RTN3: variants seen among roughly 807,000 people sequenced by gnomAD.
RTN3 encodes the protein reticulon 3.
In RTN3, 49 loss-of-function variants were observed where a neutral mutation model predicts 77.8. The observed-to-expected ratio is 0.63, with a 90% CI of 0.50 to 0.80. The LOEUF (loss-of-function observed/expected upper bound fraction) is 0.80, where lower values mean the gene tolerates loss of function less well. Among genes scored for constraint, RTN3 ranks in the 30% least tolerant of loss-of-function variants. The pLI, the probability that RTN3 is intolerant of heterozygous loss-of-function variation, is 0.00. For synonymous variants in RTN3, 464 were observed against 446.9 expected, an observed-to-expected ratio of 1.04 and a Z score of -0.48; for missense variants, 1,236 against 1,211.9, an observed-to-expected ratio of 1.02 and a Z score of -0.29.
intron 1 of RTN3, among the ~76,000 whole-genome samples, chr11:63,699,558 T>C (rs1942134652): frequency 6.6e-6 from 1 of 152,182 alleles, no homozygotes; most frequent in Non-Finnish European, 1.5e-5. Context: ...CTAAAACACG[T>C]GATATTGTCA....
chr11:63,691,280 C>G (rs1410301376), intron 1 of RTN3, among the ~76,000 whole-genome samples: 1 of 151,962 alleles, frequency 6.6e-6, no homozygotes, highest in South Asian at 2.1e-4. Context: ...GCCACCATGC[C>G]CAGCTAATTT....
chr11:63,721,149 A>C, intron 3 of RTN3, 117 bp downstream of exon 3: 1 of 867,100 alleles, frequency 1.2e-6, no homozygotes, highest in Non-Finnish European at 1.7e-6. Flanking sequence ...ATACAAAAAC[A>C]ATATGCTGTA....
intron 1 of RTN3, 31 bp downstream of exon 1, chr11:63,681,809 A>G (rs548242852): frequency 1.3e-6 from 2 of 1,512,970 alleles, no homozygotes; most frequent in South Asian, 2.4e-5. Flanking sequence ...CCGCCCTGGG[A>G]AAGAGGGCGA....
intron 1 of RTN3, among the ~76,000 whole-genome samples, chr11:63,683,221 A>G (rs1941161166): frequency 6.6e-6 from 1 of 152,212 alleles, no homozygotes; most frequent in South Asian, 2.1e-4. Flanking sequence ...TGAGGCAGCA[A>G]ATTTAGAACC....
intron 1 of RTN3, among the ~76,000 whole-genome samples, chr11:63,693,369 G>A (rs936114799): frequency 6.6e-6 from 1 of 152,078 alleles, no homozygotes; most frequent in Non-Finnish European, 1.5e-5. Flanking sequence ...TGTAATCCCA[G>A]CTACTTGGGA....
At chr11:63,747,998 G>C (rs1226257695) in intron 3 of RTN3, among the ~76,000 whole-genome samples, 1 of 151,940 alleles carries the variant, frequency 6.6e-6, no homozygotes, top group Non-Finnish European at 1.5e-5. Context: ...GGTGAAATTA[G>C]CCTTCATAGA....
Position 63,750,202 on chromosome 11 carries a change from A to G in RTN3, c.2738+4A>G, listed in dbSNP as rs2014027116. ...CAGAAGAAGGCCATCCATTCAAGTG[A>G]GTTGAAGTCTTAAAAGCAACATTCT... On this transcript the variant is annotated splice_donor_region_variant and intron_variant, in intron 4 of 8. Transcript: ENST00000377819. The G allele has an allele frequency of 1.9e-6, 3 of 1,608,844 alleles. No individual in the cohort carries two copies. In the East Asian group the frequency reaches 6.7e-5, roughly 36 times the overall value.
intron 2 of RTN3, among the ~76,000 whole-genome samples, chr11:63,706,164 G>A (rs1478663145): frequency 6.6e-6 from 1 of 151,872 alleles, no homozygotes; most frequent in African/African-American, 2.4e-5. Context: ...AACATGGTAG[G>A]GAATTTTTTT....
chr11:63,756,214 TC>T, intron 8 of RTN3, 44 bp downstream of exon 8: 1 of 1,324,804 alleles, frequency 7.5e-7, no homozygotes, highest in Non-Finnish European at 1.1e-6. Flanking sequence ...TATGCTTCCT[TC>T]CCCCCAATTA....
At chr11:63,754,925 C>CA (rs373589429) in intron 7 of RTN3, among the ~76,000 whole-genome samples, 4,209 of 96,920 alleles carry the variant, frequency 0.043, 439 homozygotes, top group African/African-American at 0.16. Context: ...GACTCTGTCT[C>CA]AAAAAAAAAA....
At chr11:63,734,619 C>G (rs1253393216) in intron 3 of RTN3, among the ~76,000 whole-genome samples, 2 of 148,098 alleles carry the variant, frequency 1.4e-5, no homozygotes, top group African/African-American at 5.0e-5. Flanking sequence ...GTAATCCCAG[C>G]TACTCAGGAG....
At chr11:63,707,620 C>A (rs1425107869) in intron 2 of RTN3, among the ~76,000 whole-genome samples, 1 of 151,946 alleles carries the variant, frequency 6.6e-6, no homozygotes, top group Non-Finnish European at 1.5e-5. Flanking sequence ...GATCACCTGA[C>A]GTCAGGAGTT....
chr11:63,750,443 A>C, intron 4 of RTN3: 1 of 479,594 alleles, frequency 2.1e-6, no homozygotes, highest in East Asian at 3.6e-5. Flanking sequence ...CCTTCAAAGA[A>C]GACTCTAAAT....
chr11:63,719,982 G>A lies in RTN3; in HGVS notation c.1480G>A (p.Ala494Thr). Residue 494 changes from alanine to threonine, a missense_variant, in exon 3 of 9, where the codon GCT (alanine) becomes ACT (threonine). This residue lies in a region of RTN3 where 1,056 missense variants were observed against 990.4 expected (regional missense o/e 1.07). Transcript: ENST00000377819. ...CTCTGCATTGGGAGAAATCACAGAA[G>A]CTGATAGTTCTGGTGAGTCTGATGA... ...QSSALGEITE[A>T]DSSGESDDTV... is the part of the protein sequence containing the mutation. The A allele has an allele frequency of 6.2e-7, 1 of 1,614,164 alleles. No individual in the cohort carries two copies. Among genetic ancestry groups the A allele is most frequent in the African/African-American group, 1.3e-5 (1 of 75,058 alleles).
At chr11:63,737,302 T>A (rs529184124) in intron 3 of RTN3, among the ~76,000 whole-genome samples, 4 of 152,256 alleles carry the variant, frequency 2.6e-5, no homozygotes, top group Admixed American at 2.6e-4. Flanking sequence ...TAAAATACAC[T>A]AACCATAAAA....
At chr11:63,718,031 A>G (rs2011504328) in intron 2 of RTN3, among the ~76,000 whole-genome samples, 1 of 150,522 alleles carries the variant, frequency 6.6e-6, no homozygotes, top group Non-Finnish European at 1.5e-5. Context: ...AAAAAAAAAA[A>G]GATTTTGGAG....
At chr11:63,745,149 C>G (rs911553023) in intron 3 of RTN3, among the ~76,000 whole-genome samples, 1 of 152,130 alleles carries the variant, frequency 6.6e-6, no homozygotes, top group South Asian at 2.1e-4. Flanking sequence ...CTCTTCTCCC[C>G]CAAGGTATTA....
chr11:63,743,071 T>G (rs1007099328), intron 3 of RTN3, among the ~76,000 whole-genome samples: 1 of 152,088 alleles, frequency 6.6e-6, no homozygotes, highest in Non-Finnish European at 1.5e-5. Flanking sequence ...ATTTTATTTT[T>G]TGTATATTTA....
At chr11:63,744,240 C>CAAAAAAAA (rs71468642) in intron 3 of RTN3, among the ~76,000 whole-genome samples, 8 of 63,626 alleles carry the variant, frequency 1.3e-4, no homozygotes, top group African/African-American at 5.4e-4. Context: ...GACTCTGTCT[C>CAAAAAAAA]AAAAAAAAAA....
Sources: gnomAD v4.1 joint callset for allele counts (sites outside exome capture counted in the v4.1 genomes callset) on GRCh38, gnomAD v4.1.1 for gene constraint, gnomAD v4.1.1 regional missense constraint, MANE v1.5 for transcripts, NCBI Gene and HGNC (gene_info 2026-07-23, HGNC 2026-07-21) for gene names.